Variants in SPICE1 observed in about 807,000 individuals in gnomAD.
The protein encoded by SPICE1 is spindle and centriole associated protein 1.
In SPICE1, 75 loss-of-function variants were observed where a neutral mutation model predicts 102.7. That is an observed-to-expected ratio of 0.73 (90% CI 0.61 to 0.88). SPICE1 has a LOEUF of 0.88. Ranked by LOEUF, SPICE1 falls within the 40% of genes least tolerant of loss-of-function variation. The pLI is 0.00. For missense variants in SPICE1, 979 were observed against 1,020.1 expected, an observed-to-expected ratio of 0.96 and a Z score of 0.55; for synonymous variants, 308 against 350.3, an observed-to-expected ratio of 0.88 and a Z score of 1.35.
chr3:113,494,149 A>T lies in SPICE1; in HGVS notation c.292-7T>A. 1 of 1,547,730 alleles carries T rather than the reference A, an allele frequency of 6.5e-7. No homozygotes were observed. The highest frequency in any genetic ancestry group is 8.9e-7 in the Non-Finnish European group (1 of 1,128,906). On this transcript the variant is annotated splice_polypyrimidine_tract_variant and splice_region_variant and intron_variant, in intron 4 of 17. Transcript: ENST00000295872. ...GGTATTGATCAGAAAGAATCTAGAC[A>T]TGTGTTAATGACAAATATTATTATT... is the stretch of plus-strand genomic sequence containing the variant.
intron 4 of SPICE1, 30 bp from the exon 5 acceptor site, chr3:113,494,172 A>G (rs779242962): frequency 7.1e-7 from 1 of 1,416,726 alleles, no homozygotes; most frequent in Non-Finnish European, 9.8e-7. Flanking sequence ...AAATATTATT[A>G]TTCAGATTAT....
chr3:113,447,917 C>T, intron 16 of SPICE1, 121 bp downstream of exon 16: 1 of 788,546 alleles, frequency 1.3e-6, no homozygotes, highest in African/African-American at 1.8e-5. Context: ...ACTCTCTTTG[C>T]ATGAGTCTGT....
chr3:113,503,189 G>A lies in SPICE1; in HGVS notation c.138C>T (p.Pro46=), dbSNP rs11537650. The A allele has an allele frequency of 0.22, 357,599 of 1,600,196 alleles. 41,952 individuals carry two copies. The highest frequency in any genetic ancestry group is 0.35 in the African/African-American group (26,062 of 73,916). ...TTGATATTAAACTCACCAGATCTTC[G>A]GGAGTTGCCCGATGAACGGTTAGAT... ...VTDLTVHRAT[P]EDLVRRHEIH... Residue 46 remains proline, a synonymous_variant, in exon 3 of 18, where the codon CCC becomes CCT. Transcript: ENST00000295872.
intron 11 of SPICE1, among the ~76,000 whole-genome samples, chr3:113,464,546 C>A (rs140563859): frequency 1.3e-5 from 2 of 152,064 alleles, no homozygotes; most frequent in African/African-American, 2.4e-5. Context: ...TGAGCCACTG[C>A]GCCTCGCCCT....
In SPICE1 at chr3:113,443,007, C is replaced by T. The variant is rs1370060800; in HGVS notation, c.*2300G>A. 1.3e-5 allele frequency: 2 copies of T among 152,136 alleles called. No homozygotes were observed. The highest frequency in any genetic ancestry group is 6.5e-5 in the Admixed American group (1 of 15,270). The allele number at this position is 152,136 out of a possible 1,614,324, so 9.4% of individuals were successfully genotyped here. ...AGGTGAAATACCTCTAAATTTCAAG[C>T]ACTGTGTGCAATTGTTAATCTGAGA... On this transcript the variant is annotated 3_prime_UTR_variant, in exon 18 of 18. Transcript: ENST00000295872.
intron 11 of SPICE1, among the ~76,000 whole-genome samples, chr3:113,464,099 TCTC>T: frequency 6.6e-6 from 1 of 151,852 alleles, no homozygotes; most frequent in Middle Eastern, 3.4e-3. Context: ...ACAGGATTTC[TCTC>T]TGGAGTGAGG....
At position 113,443,570 on chromosome 3, in the gene SPICE1, T is replaced by G. The variant is rs561960281; in HGVS notation, c.*1737A>C. 4 of 152,340 alleles carry G rather than the reference T, an allele frequency of 2.6e-5. No individual in the cohort carries two copies. The highest frequency in any genetic ancestry group is 7.2e-5 in the African/African-American group (3 of 41,588). 9.4% of individuals were successfully genotyped at this position (152,340 alleles called of 1,614,324 possible). A position where few individuals can be genotyped will look rare whatever the true frequency, so the allele number is the denominator to read the frequency against. ...ATAATGGTGATACCACAGCTTATAG[T>G]ACGGTGTCTGCCACAGTAATGGCTC... On this transcript the variant is annotated 3_prime_UTR_variant, in exon 18 of 18. Transcript: ENST00000295872.
chr3:113,447,717 A>T (rs1935549475), intron 16 of SPICE1, among the ~76,000 whole-genome samples: 1 of 152,202 alleles, frequency 6.6e-6, no homozygotes, highest in Admixed American at 6.5e-5. Context: ...AGTTTCATTT[A>T]CTGTGAAGGA....
intron 7 of SPICE1, among the ~76,000 whole-genome samples, chr3:113,475,657 C>A (rs1209916709): frequency 6.6e-6 from 1 of 152,096 alleles, no homozygotes; most frequent in African/African-American, 2.4e-5. Flanking sequence ...TGTAATCCAG[C>A]ATATAAACAG....
intron 14 of SPICE1, among the ~76,000 whole-genome samples, chr3:113,452,626 G>T (rs1215710154): frequency 6.6e-6 from 1 of 151,968 alleles, no homozygotes; most frequent in Non-Finnish European, 1.5e-5. Flanking sequence ...GGCGGTTGCA[G>T]GGAGCCAAGA....
intron 15 of SPICE1, chr3:113,448,801 T>A (rs1330597809): frequency 6.6e-6 from 1 of 152,202 alleles, no homozygotes; most frequent in Non-Finnish European, 1.5e-5. Flanking sequence ...TACAAAATAT[T>A]CCTCAGTTAC....
At position 113,457,224 on chromosome 3, in the gene SPICE1, C is replaced by A; in HGVS notation, c.1569G>T (p.Lys523Asn). 1 of 1,614,166 alleles carries A rather than the reference C, an allele frequency of 6.2e-7. No individual in the cohort carries two copies. The highest frequency in any genetic ancestry group is 8.5e-7 in the Non-Finnish European group (1 of 1,180,032). Residue 523 changes from lysine (K) to asparagine (N), a missense_variant, in exon 13 of 18, where the codon AAG becomes AAT. Transcript: ENST00000295872. ...GCTCAAAAATATGTGCTGGAAAATT[C>A]TTGGCCAGATTCATGTTATCTGGAG... ...PDPPDNMNLA[K>N]NFPAHIFEPA...
chr3:113,473,351 G>A (rs906555257), intron 7 of SPICE1, among the ~76,000 whole-genome samples: 5 of 152,130 alleles, frequency 3.3e-5, no homozygotes, highest in African/African-American at 1.2e-4. Context: ...AACCAAGTTG[G>A]AAAACACTCT....
intron 7 of SPICE1, among the ~76,000 whole-genome samples, chr3:113,477,733 C>A (rs1251002751): frequency 7.4e-6 from 1 of 135,926 alleles, no homozygotes; most frequent in African/African-American, 2.8e-5. Context: ...GGGAACTGAA[C>A]AATGAGAACA....
At position 113,489,359 on chromosome 3, in the gene SPICE1, C is replaced by T. The variant is rs548632544; in HGVS notation, c.493-296G>A. 3.9e-5 allele frequency among the ~76,000 whole-genome samples: 6 copies of T among 152,250 alleles called. No individual in the cohort carries two copies. The South Asian group carries it at 1.0e-3, about 26-fold the overall frequency. Reference sequence around the variant, plus strand: ...AGCTATATATATCTTCTTTCTTCTACCACCAAACTTCTTGAAAGAGTTGTT... The same window carrying T: ...AGCTATATATATCTTCTTTCTTCTATCACCAAACTTCTTGAAAGAGTTGTT... On this transcript the variant is annotated intron_variant, in intron 6 of 17. Transcript: ENST00000295872.
chr3:113,471,988 A>G (rs1405212339), intron 7 of SPICE1, among the ~76,000 whole-genome samples: 1 of 152,194 alleles, frequency 6.6e-6, no homozygotes, highest in Non-Finnish European at 1.5e-5. Context: ...AGGGCAAGGC[A>G]TTGCCTCACT....
intron 11 of SPICE1, among the ~76,000 whole-genome samples, 195 bp downstream of exon 11, chr3:113,465,458 A>G (rs1013214045): frequency 6.6e-6 from 1 of 152,236 alleles, no homozygotes; most frequent in Non-Finnish European, 1.5e-5. Flanking sequence ...GACAGTCCAT[A>G]TACTACTTCC....
At chr3:113,471,367 C>T (rs1936194020) in intron 7 of SPICE1, among the ~76,000 whole-genome samples, 1 of 152,152 alleles carries the variant, frequency 6.6e-6, no homozygotes, top group South Asian at 2.1e-4. Flanking sequence ...ATCTTTGACA[C>T]CCACACAGAG....
Position 113,460,662 on chromosome 3 carries a change from C to A in SPICE1, c.1390G>T (p.Ala464Ser), listed in dbSNP as rs769081610. The change falls in exon 12 of 18, where the codon GCA becomes TCA. Residue 464 changes from alanine (A) to serine (S), a missense_variant. By Grantham distance (99) the Ala-to-Ser change is moderately conservative (BLOSUM62 1). Transcript: ENST00000295872. ...CTACCTGTGGCTCCGCTTTCTGATG[C>A]CTGAATTTCTTGTCTGTTATTTATC... is the stretch of plus-strand genomic sequence containing the variant. ...PVINNRQEIQASESGATGRRV... is the reference protein window; with the variant it reads ...PVINNRQEIQSSESGATGRRV... 6.2e-7 allele frequency: 1 copy of A among 1,613,630 alleles called. No individual in the cohort carries two copies. Among genetic ancestry groups the A allele is most frequent in the African/African-American group, 1.3e-5 (1 of 74,870 alleles).
Sources: allele counts gnomAD v4.1 joint callset (sites outside exome capture counted in the v4.1 genomes callset), GRCh38; gene constraint gnomAD v4.1.1; transcripts MANE v1.5; gene names NCBI Gene and HGNC (gene_info 2026-07-23, HGNC 2026-07-21).